The following ADAMTS2 variants were observed in gnomAD, a reference collection of about 807,000 sequenced individuals.
The protein encoded by ADAMTS2 is A disintegrin and metalloproteinase with thrombospondin motifs 2.
A neutral mutation model predicts 123.0 loss-of-function variants in ADAMTS2; 50 were observed. The observed-to-expected ratio is 0.41, with a 90% CI of 0.32 to 0.51. ADAMTS2 has a LOEUF of 0.51. Ranked by LOEUF, ADAMTS2 falls within the 20% of genes least tolerant of loss-of-function variation. The probability of loss-of-function intolerance (pLI) is 0.35; values close to 1 mark genes in which losing one functional copy is unlikely to be tolerated. For synonymous variants in ADAMTS2, 678 were observed against 695.4 expected, an observed-to-expected ratio of 0.98 and a Z score of 0.39; for missense variants, 1,494 against 1,705.2, an observed-to-expected ratio of 0.88 and a Z score of 2.18.
chr5:179,167,293 G>A (rs751389158), intron 5 of ADAMTS2, among the ~76,000 whole-genome samples: 16 of 151,994 alleles, frequency 1.1e-4, no homozygotes, highest in Non-Finnish European at 1.9e-4. Context: ...TGGCGCTGCT[G>A]CCGCGAGAAC....
At chr5:179,207,475 T>TGCCCCCCCCCCCCCCCCC in intron 4 of ADAMTS2, 38 bp downstream of exon 4, 1 of 588,618 alleles carries the variant, frequency 1.7e-6, no homozygotes, top group Non-Finnish European at 3.2e-6. Flanking sequence ...TGGTTGACCC[T>TGCCCCCCCCCCCCCCCCC]CCCCGCCCCA....
intron 3 of ADAMTS2, among the ~76,000 whole-genome samples, chr5:179,271,531 C>T (rs888817567): frequency 2.0e-5 from 3 of 152,138 alleles, no homozygotes; most frequent in Admixed American, 6.5e-5. Flanking sequence ...GCCCCTTCCA[C>T]GCTGGCCCTC....
intron 3 of ADAMTS2, among the ~76,000 whole-genome samples, chr5:179,245,215 G>C (rs912473673): frequency 3.9e-5 from 6 of 152,056 alleles, no homozygotes; most frequent in Non-Finnish European, 8.8e-5. Context: ...AAAGACGAAG[G>C]ACAGAAGTCA....
chr5:179,213,523 A>C (rs1453257984), intron 3 of ADAMTS2, among the ~76,000 whole-genome samples: 1 of 152,100 alleles, frequency 6.6e-6, no homozygotes, highest in Non-Finnish European at 1.5e-5. Context: ...GGCCCAGCAG[A>C]GGCGAGCTGG....
chr5:179,296,317 G>A (rs971447958), intron 2 of ADAMTS2, among the ~76,000 whole-genome samples: 51 of 152,142 alleles, frequency 3.4e-4, no homozygotes, highest in African/African-American at 1.1e-3. Flanking sequence ...GGGCAATGCC[G>A]GGGCCTGTCT....
In ADAMTS2 at chr5:179,132,248, C is replaced by T. The variant is rs146222244; in HGVS notation, c.2272G>A (p.Ala758Thr). 1,004 of 1,614,090 alleles carry T rather than the reference C, an allele frequency of 6.2e-4. No homozygotes were observed. The highest frequency in any genetic ancestry group is 7.3e-4 in the Non-Finnish European group (865 of 1,180,020). Residue 758 changes from alanine (A) to threonine (T), a missense_variant, in exon 15 of 22, where the codon GCC (alanine) becomes ACC (threonine). Ala to Thr is a moderately conservative substitution (Grantham distance 58). Coordinates refer to ENST00000251582, the MANE Select transcript of ADAMTS2 (RefSeq NM_014244.5). This position sits in a 1 kb window ranked among gnomAD's most constrained non-coding sequence, Gnocchi z 6.1. ...GACTCACCCAGATGGTGGCTGGTGG[C>T]GTCTACCTCCTGAATGAGCAGGTGT... ...ARHLLIQEVD[A>T]TSHHLAVKNL...
chr5:179,137,471 G>A (rs1561773459), intron 12 of ADAMTS2, among the ~76,000 whole-genome samples: 2 of 151,860 alleles, frequency 1.3e-5, no homozygotes, highest in South Asian at 4.1e-4. Flanking sequence ...CTCAAGCCTC[G>A]TCCACCCACG....
rs542078892 is a variant in ADAMTS2 at position 179,202,718 on chromosome 5, G to A, written c.891+4795C>T. On this transcript the variant is annotated intron_variant, in intron 4 of 21. Coordinates refer to ENST00000251582, the MANE Select transcript of ADAMTS2 (RefSeq NM_014244.5). The surrounding 1 kb of genome is among the most constrained non-coding windows in gnomAD (Gnocchi z 4.0). The stretch of plus-strand genomic sequence containing the variant: ...AGCTGAACACAATACACCGCACACC[G>A]TGTTTCCTTACTCACACCATGGCGC... Among the ~76,000 whole-genome samples, 42 of 151,354 alleles carry A rather than the reference G, an allele frequency of 2.8e-4. No homozygotes were observed. The highest frequency in any genetic ancestry group is 8.2e-4 in the African/African-American group (34 of 41,382).
chr5:179,325,658 G>C (rs972124911), intron 2 of ADAMTS2, among the ~76,000 whole-genome samples: 3 of 152,258 alleles, frequency 2.0e-5, no homozygotes, highest in African/African-American at 7.2e-5. Flanking sequence ...AGAAACCCTC[G>C]GGGAACCTGG....
chr5:179,165,654 C>T (rs1204339702), intron 5 of ADAMTS2, among the ~76,000 whole-genome samples: 1 of 152,156 alleles, frequency 6.6e-6, no homozygotes, highest in African/African-American at 2.4e-5. Context: ...GAGCAGGGGG[C>T]GGTAGATGGT....
chr5:179,183,166 C>G (rs1764086714), intron 4 of ADAMTS2, among the ~76,000 whole-genome samples: 1 of 152,218 alleles, frequency 6.6e-6, no homozygotes, highest in Non-Finnish European at 1.5e-5. Context: ...CCTTGCCCAG[C>G]TTTGAGGGTC....
At chr5:179,209,575 C>T (rs2113380403) in intron 3 of ADAMTS2, among the ~76,000 whole-genome samples, 1 of 152,120 alleles carries the variant, frequency 6.6e-6, no homozygotes, top group South Asian at 2.1e-4. Context: ...CACACATGCA[C>T]ACACATGTAC....
rs1765701370 is a variant in ADAMTS2, at chr5:179,242,891, C to T, written c.688+30020G>A. On this transcript the variant is annotated intron_variant, in intron 3 of 21. Transcript: ENST00000251582. This position sits in a 1 kb window ranked among gnomAD's most constrained non-coding sequence, Gnocchi z 4.2. ...CGAAAGGCCGGAGCACCTTCCTCCA[C>T]CCAGCCCTAACTCAGGGCAGGAGCT... 6.6e-6 allele frequency among the ~76,000 whole-genome samples: 1 copy of T among 152,180 alleles called. No individual in the cohort carries two copies.
intron 2 of ADAMTS2, among the ~76,000 whole-genome samples, chr5:179,299,314 G>A (rs1390078572): frequency 9.0e-6 from 1 of 110,662 alleles, no homozygotes; most frequent in African/African-American, 3.5e-5. Flanking sequence ...CGGATCACGA[G>A]GTCAGGAGAT....
In ADAMTS2 at chr5:179,323,278, G is replaced by A. The variant is rs187231647; in HGVS notation, c.534+20489C>T. Among the ~76,000 whole-genome samples, 5 of 152,388 alleles carry A rather than the reference G, an allele frequency of 3.3e-5. No individual in the cohort carries two copies. The East Asian group carries it at 9.6e-4, about 29-fold the overall frequency. ...TGCGAAGGGAAATGGCCTGGCAGAA[G>A]GAAAGACAATGGGGCCCCAGGGGCA... On this transcript the variant is annotated intron_variant, in intron 2 of 21. Transcript: ENST00000251582.
chr5:179,186,279 T>C (rs1764167686), intron 4 of ADAMTS2, among the ~76,000 whole-genome samples: 1 of 152,170 alleles, frequency 6.6e-6, no homozygotes, highest in African/African-American at 2.4e-5. Flanking sequence ...CCTGGGTGGT[T>C]CTCCTGCCCC....
chr5:179,273,154 C>T, intron 2 of ADAMTS2, 90 bp from the exon 3 acceptor site: 1 of 1,580,584 alleles, frequency 6.3e-7, no homozygotes, highest in East Asian at 2.2e-5. Flanking sequence ...GGAGTACCTC[C>T]CACCTGAAGA....
At chr5:179,204,571 C>T (rs548750381) in intron 4 of ADAMTS2, among the ~76,000 whole-genome samples, 1 of 152,202 alleles carries the variant, frequency 6.6e-6, no homozygotes, top group African/African-American at 2.4e-5. Flanking sequence ...TCAGAAGCTC[C>T]CACTTGCTCA....
intron 4 of ADAMTS2, among the ~76,000 whole-genome samples, chr5:179,194,870 C>T (rs1561798724): frequency 6.6e-6 from 1 of 152,140 alleles, no homozygotes; most frequent in Admixed American, 6.5e-5. Context: ...AGCATAAGCC[C>T]CAAACCTCCT....
Sources: gnomAD v4.1 joint callset for allele counts (sites outside exome capture counted in the v4.1 genomes callset) on GRCh38, gnomAD v4.1.1 for gene constraint, Gnocchi (gnomAD v3.1) non-coding constraint, MANE v1.5 for transcripts, NCBI Gene and HGNC (gene_info 2026-07-23, HGNC 2026-07-21) for gene names.